Variants in NBAS observed in about 807,000 individuals in gnomAD.
The protein encoded by NBAS is NBAS subunit of NRZ tethering complex.
In NBAS, 219 loss-of-function variants were observed where a neutral mutation model predicts 302.5. The ratio of observed to expected loss-of-function variants is 0.72; its 90% CI spans 0.65 to 0.81. The LOEUF (loss-of-function observed/expected upper bound fraction) is 0.81. Ranked by LOEUF, NBAS falls within the 30% of genes least tolerant of loss-of-function variation. The probability of loss-of-function intolerance (pLI) is 0.00; values close to 1 mark genes in which losing one functional copy is unlikely to be tolerated. For missense variants in NBAS, 2,932 were observed against 2,841.6 expected, an observed-to-expected ratio of 1.03 and a Z score of -0.72; for synonymous variants, 1,118 against 1,021.6, an observed-to-expected ratio of 1.09 and a Z score of -1.80.
chr2:14,938,795 C>T, the NBAS span, among the ~76,000 whole-genome samples: 1 of 152,186 alleles, frequency 6.6e-6, no homozygotes, highest in Non-Finnish European at 1.5e-5. Flanking sequence ...GTGTTCTGTT[C>T]TATTAACTCT....
intron 44 of NBAS, among the ~76,000 whole-genome samples, chr2:15,262,510 C>T (rs1668895382): frequency 1.3e-5 from 2 of 152,144 alleles, no homozygotes; most frequent in Admixed American, 6.5e-5. Context: ...AAACTTAACT[C>T]AGAATATAGA....
At chr2:15,035,414 T>C in the NBAS span, among the ~76,000 whole-genome samples, 3 of 152,308 alleles carry the variant, frequency 2.0e-5, no homozygotes, top group East Asian at 5.8e-4. Context: ...AGTTCAACCA[T>C]TGTGGAAGAC....
chr2:14,869,400 C>T, the NBAS span, among the ~76,000 whole-genome samples: 1 of 152,172 alleles, frequency 6.6e-6, no homozygotes, highest in South Asian at 2.1e-4. Flanking sequence ...AAATCTCTAG[C>T]AGGATTGGGT....
intron 21 of NBAS, among the ~76,000 whole-genome samples, 176 bp downstream of exon 21, chr2:15,461,025 G>T (rs1255752431): frequency 6.6e-6 from 1 of 152,100 alleles, no homozygotes; most frequent in Admixed American, 6.5e-5. Context: ...AGGTAAGCCT[G>T]TTACACTGGA....
intron 35 of NBAS, among the ~76,000 whole-genome samples, chr2:15,340,435 T>C (rs553027626): frequency 6.6e-6 from 1 of 152,290 alleles, no homozygotes; most frequent in South Asian, 2.1e-4. Flanking sequence ...GGTCATTGTT[T>C]GGCAAGATGT....
At chr2:15,152,881 C>T in the NBAS span, among the ~76,000 whole-genome samples, 2,113 of 152,210 alleles carry the variant, frequency 0.014, 46 homozygotes, top group African/African-American at 0.047. Flanking sequence ...AATGGAGCAC[C>T]GCTCCCTTCA....
the NBAS span, among the ~76,000 whole-genome samples, chr2:15,059,925 T>C: frequency 0.012 from 1,520 of 131,386 alleles, 30 homozygotes; most frequent in African/African-American, 0.039. Flanking sequence ...CTAATGATGG[T>C]AGGGAAGGAT....
intron 44 of NBAS, among the ~76,000 whole-genome samples, chr2:15,243,605 C>T (rs1355598325): frequency 1.3e-5 from 2 of 151,688 alleles, no homozygotes; most frequent in Admixed American, 6.6e-5. Context: ...AGAAAAATAC[C>T]GTAATCTATG....
chr2:14,945,641 A>C, the NBAS span, among the ~76,000 whole-genome samples: 2 of 152,222 alleles, frequency 1.3e-5, no homozygotes, highest in Admixed American at 6.5e-5. Flanking sequence ...TACATGTTGA[A>C]CTAAAAAATT....
chr2:15,017,835 G>C, the NBAS span, among the ~76,000 whole-genome samples: 1 of 151,996 alleles, frequency 6.6e-6, no homozygotes, highest in Non-Finnish European at 1.5e-5. Flanking sequence ...ATATCAAAGA[G>C]ACATCTGCAT....
chr2:15,178,998 G>T lies in NBAS; in HGVS notation c.6830C>A (p.Ala2277Glu). 2 of 1,613,940 alleles carry T rather than the reference G, an allele frequency of 1.2e-6. No homozygotes were observed. The highest frequency in any genetic ancestry group is 1.7e-6 in the Non-Finnish European group (2 of 1,179,998). Residue 2277 changes from alanine to glutamate, a missense_variant, in exon 51 of 52, where the codon GCA becomes GAA. Transcript: ENST00000281513. ...LHEMALEQIT[A>E]VTTVNDSNCD... ...TTCAACTGGGCATACCGTAGTGACT[G>T]CCGTGATTTGCTCCAGTGCCATCTC...
At chr2:14,849,230 A>C in the NBAS span, among the ~76,000 whole-genome samples, 5 of 151,586 alleles carry the variant, frequency 3.3e-5, no homozygotes, top group Admixed American at 1.3e-4. Flanking sequence ...GAAGTGCTTA[A>C]AGGAGCTGAT....
chr2:15,087,255 C>T, the NBAS span, among the ~76,000 whole-genome samples: 1 of 138,054 alleles, frequency 7.2e-6, no homozygotes, highest in African/African-American at 3.1e-5. Flanking sequence ...CACACACACA[C>T]ACCCCATATT....
chr2:15,018,754 T>C, the NBAS span, among the ~76,000 whole-genome samples: 5 of 152,196 alleles, frequency 3.3e-5, no homozygotes, highest in Admixed American at 3.3e-4. Flanking sequence ...AAACCATTTC[T>C]ACACATAATA....
chr2:14,984,371 C>T, the NBAS span, among the ~76,000 whole-genome samples: 1 of 152,132 alleles, frequency 6.6e-6, no homozygotes, highest in African/African-American at 2.4e-5. Context: ...GGCTAGTAGA[C>T]TAGATCATTA....
At chr2:14,875,623 T>C in the NBAS span, among the ~76,000 whole-genome samples, 1 of 151,714 alleles carries the variant, frequency 6.6e-6, no homozygotes, top group Non-Finnish European at 1.5e-5. Flanking sequence ...CTCAAAAAAA[T>C]AAAAAATAGT....
the NBAS span, among the ~76,000 whole-genome samples, chr2:15,033,605 G>T: frequency 6.6e-6 from 1 of 152,066 alleles, no homozygotes; most frequent in African/African-American, 2.4e-5. Context: ...TTTGGGGATA[G>T]GGCCTTTGGG....
chr2:15,097,642 C>T, the NBAS span, among the ~76,000 whole-genome samples: 1 of 151,712 alleles, frequency 6.6e-6, no homozygotes, highest in East Asian at 2.0e-4. Flanking sequence ...CAAAAGAGAG[C>T]AGGCGAGCTT....
intron 9 of NBAS, among the ~76,000 whole-genome samples, chr2:15,532,161 T>A (rs1663248897): frequency 6.6e-6 from 1 of 152,164 alleles, no homozygotes; most frequent in Non-Finnish European, 1.5e-5. Flanking sequence ...GCTTCTTTTC[T>A]TACCTGTAAG....
Sources: allele counts gnomAD v4.1 joint callset (sites outside exome capture counted in the v4.1 genomes callset), GRCh38; gene constraint gnomAD v4.1.1; transcripts MANE v1.5; gene names NCBI Gene and HGNC (gene_info 2026-07-23, HGNC 2026-07-21).